The following THOC2 variants were observed in gnomAD, a reference collection of about 807,000 sequenced individuals.
The protein encoded by THOC2 is THO complex subunit 2.
Under a neutral mutation model 128.4 loss-of-function variants are expected in THOC2, and 10 were observed. The observed-to-expected ratio is 0.08, with a 90% CI of 0.05 to 0.13. The LOEUF (loss-of-function observed/expected upper bound fraction) is 0.13, where lower values mean the gene tolerates loss of function less well. THOC2 is among the 10% of genes least tolerant of loss of function. The probability of loss-of-function intolerance (pLI) is 1.00; values close to 1 mark genes in which losing one functional copy is unlikely to be tolerated. For synonymous variants in THOC2, 393 were observed against 396.9 expected, an observed-to-expected ratio of 0.99 and a Z score of 0.12; for missense variants, 535 against 1,155.7, an observed-to-expected ratio of 0.46 and a Z score of 7.79.
chrX:123,727,567 C>CT (rs2052047417), intron 1 of THOC2, among the ~76,000 whole-genome samples: 2 of 112,262 alleles, frequency 1.8e-5, no homozygotes, highest in African/African-American at 6.5e-5. Flanking sequence ...CCCTTAATAA[C>CT]TTTCAAATAC....
At chrX:123,605,134 G>A (rs943536796) in intron 38 of THOC2, among the ~76,000 whole-genome samples, 10 of 111,777 alleles carry the variant, frequency 8.9e-5, no homozygotes, top group Admixed American at 3.8e-4. Flanking sequence ...GAGTTAAGAC[G>A]TGGATTCTGT....
intron 8 of THOC2, among the ~76,000 whole-genome samples, chrX:123,685,151 A>G (rs1030106338): frequency 8.9e-6 from 1 of 112,810 alleles, no homozygotes; most frequent in African/African-American, 3.2e-5. Flanking sequence ...GTGAGCATTT[A>G]CTATAGGCTA....
At chrX:123,606,615 G>C (rs1359475898) in intron 38 of THOC2, among the ~76,000 whole-genome samples, 1 of 111,342 alleles carries the variant, frequency 9.0e-6, no homozygotes, top group Non-Finnish European at 1.9e-5. Context: ...GAAATGAAAT[G>C]AAATGAAAAA....
chrX:123,610,201 G>A (rs2046648993), intron 38 of THOC2: 1 of 109,974 alleles, frequency 9.1e-6, no homozygotes, highest in Non-Finnish European at 1.9e-5. Context: ...CGATGTTAGG[G>A]TCTGAACACT....
chrX:123,625,239 C>T (rs1354799151), intron 25 of THOC2, among the ~76,000 whole-genome samples: 1 of 110,384 alleles, frequency 9.1e-6, no homozygotes, highest in African/African-American at 3.3e-5. Flanking sequence ...CTACAGGCAC[C>T]CACCACCACA....
rs972271191 is a variant in THOC2, at chrX:123,638,877, T to C, written c.1840+57A>G. The C allele has an allele frequency of 7.0e-6, 5 of 715,452 alleles. No individual in the cohort carries two copies. The African/African-American group carries it at 1.1e-4, about 16-fold the overall frequency. The allele number at this position is 715,452 out of a possible 1,213,427, so 59.0% of individuals were successfully genotyped here. On this transcript the variant is annotated intron_variant, in intron 17 of 38. Coordinates refer to ENST00000245838, the MANE Select transcript of THOC2 (RefSeq NM_001081550.2). ...AGGAAAATAGAATGAAAATAAAACG[T>C]TTACCATATGATCTATTAAATATGA...
intron 8 of THOC2, among the ~76,000 whole-genome samples, chrX:123,676,673 C>T (rs2049510577): frequency 9.0e-6 from 1 of 111,265 alleles, no homozygotes; most frequent in Non-Finnish European, 1.9e-5. Context: ...GAGTCTACTG[C>T]CCTTCATTTT....
chrX:123,726,555 C>T (rs1444813067), intron 1 of THOC2, among the ~76,000 whole-genome samples: 2 of 110,315 alleles, frequency 1.8e-5, no homozygotes, highest in African/African-American at 6.6e-5. Context: ...AATGCACTTG[C>T]TTCCTCACAT....
intron 1 of THOC2, among the ~76,000 whole-genome samples, chrX:123,724,447 G>A (rs931266755): frequency 3.6e-5 from 4 of 112,254 alleles, no homozygotes; most frequent in Admixed American, 9.5e-5. Flanking sequence ...AACTCTGGGA[G>A]GCTAAGGTGG....
At chrX:123,686,742 T>C in intron 7 of THOC2, 28 bp from the exon 8 acceptor site, 1 of 1,063,554 alleles carries the variant, frequency 9.4e-7, no homozygotes, top group Non-Finnish European at 1.3e-6. Flanking sequence ...TACAAAAATT[T>C]AAAAATGATT....
chrX:123,635,324 C>T (rs1332963234), intron 19 of THOC2, among the ~76,000 whole-genome samples: 3 of 111,434 alleles, frequency 2.7e-5, no homozygotes, highest in African/African-American at 9.8e-5. Flanking sequence ...AAGGGATGTG[C>T]CCATAAAATC....
rs765840952 is a variant in THOC2 at position 123,633,069 on chromosome X, G to C, written c.2137-29C>G. On this transcript the variant is annotated intron_variant, in intron 20 of 38. Transcript: ENST00000245838. Reference sequence around the variant, plus strand: ...CACAAGGGAAGACACAAATTTACCAGTGTACAGTACATAACCCATGCTAAT... The same window carrying C: ...CACAAGGGAAGACACAAATTTACCACTGTACAGTACATAACCCATGCTAAT... 2.6e-6 allele frequency: 3 copies of C among 1,134,936 alleles called. No individual in the cohort carries two copies. The Admixed American group carries it at 6.7e-5, about 25-fold the overall frequency. 93.5% of individuals were successfully genotyped at this position (1,134,936 alleles called of 1,213,427 possible).
At chrX:123,603,744 A>G (rs2046367947) in intron 38 of THOC2, 1 of 337,386 alleles carries the variant, frequency 3.0e-6, no homozygotes, top group Admixed American at 5.2e-5. Context: ...GGGTCTGTCC[A>G]TAGCCTGGAA....
intron 18 of THOC2, among the ~76,000 whole-genome samples, chrX:123,637,344 G>GT (rs774881643): frequency 2.7e-5 from 3 of 111,787 alleles, no homozygotes; most frequent in South Asian, 3.8e-4. Flanking sequence ...AATATGGTTA[G>GT]TTTTTTTGGT....
At chrX:123,604,458 C>A (rs763487880) in intron 38 of THOC2, among the ~76,000 whole-genome samples, 1 of 110,141 alleles carries the variant, frequency 9.1e-6, no homozygotes, top group Admixed American at 9.7e-5. Flanking sequence ...CCGTCCTATG[C>A]ACAAACATCC....
intron 12 of THOC2, among the ~76,000 whole-genome samples, chrX:123,661,705 A>G (rs966765729): frequency 1.8e-5 from 2 of 111,873 alleles, no homozygotes; most frequent in Admixed American, 1.9e-4. Context: ...AATATTATAT[A>G]ATAAACAATA....
chrX:123,602,950 T>G, intron 38 of THOC2: 1 of 107,716 alleles, frequency 9.3e-6, no homozygotes. Flanking sequence ...GAGGTCACAG[T>G]GAGCCGAGAT....
chrX:123,715,204 A>G (rs1366411274), intron 1 of THOC2, among the ~76,000 whole-genome samples: 6 of 107,647 alleles, frequency 5.6e-5, no homozygotes, highest in Non-Finnish European at 1.2e-4. Context: ...ATGCCCAGCT[A>G]ATTTTGTATA....
chrX:123,716,478 C>A (rs903841178), intron 1 of THOC2, among the ~76,000 whole-genome samples: 3 of 111,309 alleles, frequency 2.7e-5, no homozygotes, highest in African/African-American at 9.8e-5. Context: ...GTAATCCCAG[C>A]ATTTTGGGAG....
Sources: gnomAD v4.1 joint callset for allele counts (sites outside exome capture counted in the v4.1 genomes callset) on GRCh38, gnomAD v4.1.1 for gene constraint, MANE v1.5 for transcripts, NCBI Gene and HGNC (gene_info 2026-07-23, HGNC 2026-07-21) for gene names.